The following CNTNAP4 variants were observed in gnomAD, a reference collection of about 807,000 sequenced individuals.
CNTNAP4 encodes contactin-associated protein-like 4.
A neutral mutation model predicts 148.4 loss-of-function variants in CNTNAP4; 98 were observed. The ratio of observed to expected loss-of-function variants is 0.66; its 90% CI spans 0.56 to 0.78. The LOEUF (loss-of-function observed/expected upper bound fraction) is 0.78. Among genes scored for constraint, CNTNAP4 ranks in the 30% least tolerant of loss-of-function variants. The pLI is 0.00. For missense variants in CNTNAP4, 1,935 were observed against 1,565.6 expected, an observed-to-expected ratio of 1.24 and a Z score of -3.98; for synonymous variants, 730 against 565.1, an observed-to-expected ratio of 1.29 and a Z score of -4.14.
At position 76,553,381 on chromosome 16, in the gene CNTNAP4, G is replaced by A. The variant is rs754223898; in HGVS notation, c.3541G>A (p.Ala1181Thr). The change falls in exon 22 of 24, where the codon GCA becomes ACA. Residue 1181 changes from alanine to threonine, a missense_variant. Physicochemically the swap from Ala to Thr is moderately conservative, Grantham distance 58. Coordinates refer to ENST00000611870, the MANE Select transcript of CNTNAP4 (RefSeq NM_033401.5). ...GCTCAGCCACGTGGCCCCTCTGAAG[G>A]CAGCTCTGCACCCCAGCCACCCAGA... is the stretch of plus-strand genomic sequence containing the variant. ...VQLSHVAPLKAALHPSHPDPV... is the reference protein window; with the variant it reads ...VQLSHVAPLKTALHPSHPDPV... 7 of 1,612,626 alleles carry A rather than the reference G, an allele frequency of 4.3e-6. No individual in the cohort carries two copies. Among genetic ancestry groups the A allele is most frequent in the Non-Finnish European group, 5.1e-6 (6 of 1,179,288 alleles).
intron 22 of CNTNAP4, 86 bp from the exon 23 acceptor site, chr16:76,553,750 G>C (rs4243123): frequency 1 from 837,592 of 838,406 alleles, 418,392 homozygotes; most frequent in Middle Eastern, 1. Context: ...ATAATTCTCT[G>C]TGGTTTAAAA....
chr16:76,292,409 G>A (rs1959150879), intron 1 of CNTNAP4, among the ~76,000 whole-genome samples: 3 of 151,814 alleles, frequency 2.0e-5, no homozygotes, highest in Admixed American at 6.5e-5. Flanking sequence ...CACCCTCCAG[G>A]AAACCCTTTC....
At chr16:76,459,774 A>T (rs536586800) in intron 8 of CNTNAP4, among the ~76,000 whole-genome samples, 18 of 152,304 alleles carry the variant, frequency 1.2e-4, no homozygotes, top group African/African-American at 4.3e-4. Flanking sequence ...ATTCAAATGG[A>T]TGTAAACCTG....
At chr16:76,318,035 C>T (rs765469467) in intron 2 of CNTNAP4, among the ~76,000 whole-genome samples, 2 of 152,138 alleles carry the variant, frequency 1.3e-5, no homozygotes, top group Non-Finnish European at 2.9e-5. Flanking sequence ...CTGTCTCTTC[C>T]TCTTTGCAAT....
intron 1 of CNTNAP4, among the ~76,000 whole-genome samples, chr16:76,290,853 A>C (rs1338497324): frequency 6.6e-6 from 1 of 152,162 alleles, no homozygotes; most frequent in East Asian, 1.9e-4. Context: ...CTGGAGGCCA[A>C]AAGTCCATCA....
Position 76,538,305 on chromosome 16 carries a change from A to T in CNTNAP4, c.3185A>T (p.Tyr1062Phe), listed in dbSNP as rs763501961. The T allele has an allele frequency of 1.2e-6, 2 of 1,605,430 alleles. No individual in the cohort carries two copies. The highest frequency in any genetic ancestry group is 3.5e-5 in the Admixed American group (2 of 57,722). The change falls in exon 19 of 24, where the codon TAC (tyrosine) becomes TTC (phenylalanine). Residue 1062 changes from tyrosine (Y) to phenylalanine (F), a missense_variant. Transcript: ENST00000611870. ...TTGCTGCTTTTTGTGAGCTCCTTTT[A>T]CAAAGAATACCTTTCTGTGATCATT... ...PSLLLFVSSF[Y>F]KEYLSVIIAK...
chr16:76,405,995 C>T (rs1319614464), intron 3 of CNTNAP4, among the ~76,000 whole-genome samples: 1 of 151,890 alleles, frequency 6.6e-6, no homozygotes, highest in Non-Finnish European at 1.5e-5. Flanking sequence ...GCAGGCAGAT[C>T]GCTTGAGCTC....
At chr16:76,346,577 G>A (rs976452000) in intron 2 of CNTNAP4, among the ~76,000 whole-genome samples, 2 of 152,066 alleles carry the variant, frequency 1.3e-5, no homozygotes, top group African/African-American at 4.8e-5. Context: ...AAAACTTTCA[G>A]AAAGGTATTA....
chr16:76,355,372 A>G lies in CNTNAP4; in HGVS notation c.251A>G (p.Asp84Gly). 1 of 1,608,100 alleles carries G rather than the reference A, an allele frequency of 6.2e-7. No homozygotes were observed. Among genetic ancestry groups the G allele is most frequent in the Non-Finnish European group, 8.5e-7 (1 of 1,176,918 alleles). Residue 84 changes from aspartate (D) to glycine (G), a missense_variant, in exon 3 of 24, where the codon GAC becomes GGC. Asp to Gly is a moderately conservative substitution (Grantham distance 94). Transcript: ENST00000611870. ...AACAAATACCAGTGGTTGCAGATTG[A>G]CCTTGGAGAGAGAATGGAGGTCACC... ...VSNKYQWLQI[D>G]LGERMEVTAV...
At chr16:76,504,853 G>C (rs558507102) in intron 15 of CNTNAP4, among the ~76,000 whole-genome samples, 9 of 152,078 alleles carry the variant, frequency 5.9e-5, no homozygotes, top group Admixed American at 6.6e-5. Flanking sequence ...ACACAGTAAA[G>C]ATCCTTAGCA....
At chr16:76,431,418 G>T (rs2079599922) in intron 4 of CNTNAP4, among the ~76,000 whole-genome samples, 1 of 152,200 alleles carries the variant, frequency 6.6e-6, no homozygotes, top group African/African-American at 2.4e-5. Context: ...GGTGGCTCAT[G>T]CCTGTAATTC....
chr16:76,413,718 G>A (rs948549744), intron 3 of CNTNAP4, among the ~76,000 whole-genome samples: 1 of 151,072 alleles, frequency 6.6e-6, no homozygotes, highest in African/African-American at 2.4e-5. Context: ...TAATTTAGGA[G>A]TATTGACATC....
At chr16:76,557,166 G>A (rs1449274271) in intron 23 of CNTNAP4, among the ~76,000 whole-genome samples, 4 of 152,004 alleles carry the variant, frequency 2.6e-5, no homozygotes, top group Admixed American at 6.5e-5. Context: ...CACTCTTGGC[G>A]GCAGAAAATA....
At chr16:76,444,915 C>A (rs1051541566) in intron 4 of CNTNAP4, among the ~76,000 whole-genome samples, 2 of 152,060 alleles carry the variant, frequency 1.3e-5, no homozygotes, top group African/African-American at 4.8e-5. Context: ...CGACTGTAGC[C>A]AGTTTGTTGA....
At chr16:76,462,128 A>G (rs57292037) in intron 9 of CNTNAP4, 23 bp downstream of exon 9, 692,469 of 1,594,312 alleles carry the variant, frequency 0.43, 153,649 homozygotes, top group Middle Eastern at 0.52. Flanking sequence ...GCCAGGCTCT[A>G]TGAGCAACTG....
intron 1 of CNTNAP4, among the ~76,000 whole-genome samples, chr16:76,301,862 T>A (rs1237575963): frequency 6.6e-6 from 1 of 152,024 alleles, no homozygotes. Flanking sequence ...GACAGGTTGG[T>A]TTTGCACAGG....
In CNTNAP4 at chr16:76,452,550, G is replaced by C. The variant is rs139625830; in HGVS notation, c.1114G>C (p.Val372Leu). Residue 372 changes from valine (V) to leucine (L), a missense_variant, in exon 8 of 24, where the codon GTG (valine) becomes CTG (leucine). By Grantham distance (32) the Val-to-Leu change is conservative. Coordinates refer to ENST00000611870, the MANE Select transcript of CNTNAP4 (RefSeq NM_033401.5). ...TTGTTCACAACCACAATCTATGCCC[G>C]TGACTTTTCTGAGCTCCAGGAGTTA... ...FSCSQPQSMP[V>L]TFLSSRSYLA... 1.6e-4 allele frequency: 261 copies of C among 1,613,838 alleles called. No individual in the cohort carries two copies. Among genetic ancestry groups the C allele is most frequent in the Non-Finnish European group, 2.1e-4 (242 of 1,179,888 alleles).
intron 1 of CNTNAP4, among the ~76,000 whole-genome samples, chr16:76,309,159 C>G (rs1419245631): frequency 6.6e-6 from 1 of 152,028 alleles, no homozygotes; most frequent in Non-Finnish European, 1.5e-5. Context: ...CTTGTGTCTT[C>G]TGGGTGCTTA....
At chr16:76,404,340 G>A (rs2078526746) in intron 3 of CNTNAP4, among the ~76,000 whole-genome samples, 1 of 151,296 alleles carries the variant, frequency 6.6e-6, no homozygotes, top group South Asian at 2.1e-4. Context: ...AGTAGTTTCA[G>A]AATATACACT....
Sources: gnomAD v4.1 joint callset for allele counts (sites outside exome capture counted in the v4.1 genomes callset) on GRCh38, gnomAD v4.1.1 for gene constraint, MANE v1.5 for transcripts, NCBI Gene and HGNC (gene_info 2026-07-23, HGNC 2026-07-21) for gene names.